PTPRO: variants seen among roughly 807,000 people sequenced by gnomAD.
PTPRO encodes receptor-type tyrosine-protein phosphatase O.
Under a neutral mutation model 145.2 loss-of-function variants are expected in PTPRO, and 62 were observed. The ratio of observed to expected loss-of-function variants is 0.43; its 90% CI spans 0.35 to 0.53. PTPRO has a LOEUF of 0.53. PTPRO is among the 20% of genes least tolerant of loss of function. The probability of loss-of-function intolerance (pLI) is 0.01; values close to 1 mark genes in which losing one functional copy is unlikely to be tolerated. For synonymous variants in PTPRO, 565 were observed against 514.7 expected (o/e 1.10, Z -1.32); for missense variants, 1,345 against 1,482.7 (o/e 0.91, Z 1.53).
chr12:15,580,206 A>G, intron 21 of PTPRO, 91 bp downstream of exon 21: 1 of 1,022,012 alleles, frequency 9.8e-7, no homozygotes, highest in East Asian at 2.4e-5. Context: ...AGTTCAAAAG[A>G]GAGCCTTTCC....
intron 2 of PTPRO, among the ~76,000 whole-genome samples, chr12:15,491,073 G>A (rs929463699): frequency 2.6e-5 from 4 of 152,108 alleles, no homozygotes; most frequent in Non-Finnish European, 4.4e-5. Context: ...GACCTACCTC[G>A]CTGGCCTGCT....
chr12:15,371,848 C>T (rs570682758), intron 1 of PTPRO, among the ~76,000 whole-genome samples: 65 of 152,110 alleles, frequency 4.3e-4, no homozygotes, highest in African/African-American at 1.6e-3. Flanking sequence ...AGGGGCTCTT[C>T]CCCCTTCACT....
chr12:15,350,752 T>G (rs535086017), intron 1 of PTPRO, among the ~76,000 whole-genome samples: 8 of 152,320 alleles, frequency 5.3e-5, no homozygotes, highest in African/African-American at 1.9e-4. Context: ...GAAGAGATTT[T>G]CACCATTGCA....
At chr12:15,508,529 G>T (rs772406152) in intron 6 of PTPRO, 42 bp from the exon 7 acceptor site, 12 of 1,566,838 alleles carry the variant, frequency 7.7e-6, no homozygotes, top group Non-Finnish European at 9.7e-6. Flanking sequence ...CTCAATCAGT[G>T]TAACGTGCAG....
chr12:15,576,929 G>A (rs1470609626), intron 19 of PTPRO, among the ~76,000 whole-genome samples: 1 of 152,120 alleles, frequency 6.6e-6, no homozygotes, highest in African/African-American at 2.4e-5. Flanking sequence ...AGCAATGGAA[G>A]CATCATTTAA....
intron 1 of PTPRO, among the ~76,000 whole-genome samples, chr12:15,459,215 T>C (rs1941247639): frequency 6.6e-6 from 1 of 152,032 alleles, no homozygotes; most frequent in Admixed American, 6.6e-5. Context: ...AGATCTGTCG[T>C]TTTTCTCCCA....
intron 12 of PTPRO, among the ~76,000 whole-genome samples, chr12:15,529,905 C>T (rs187823250): frequency 4.6e-5 from 7 of 152,220 alleles, no homozygotes; most frequent in Non-Finnish European, 1.5e-5. Context: ...GGTCTCAATT[C>T]TCAATTAAAA....
intron 12 of PTPRO, among the ~76,000 whole-genome samples, chr12:15,534,202 G>A (rs547442318): frequency 2.9e-4 from 44 of 152,096 alleles, no homozygotes; most frequent in African/African-American, 1.0e-3. Flanking sequence ...CTATCTTCTA[G>A]TCTTGGTGAA....
chr12:15,346,844 A>T (rs961404054), intron 1 of PTPRO, among the ~76,000 whole-genome samples: 6 of 152,158 alleles, frequency 3.9e-5, no homozygotes, highest in Non-Finnish European at 8.8e-5. Context: ...TAATGCCCAC[A>T]CTTCTTCAGG....
intron 1 of PTPRO, chr12:15,346,406 T>C (rs1001724322): frequency 1.1e-4 from 17 of 152,228 alleles, no homozygotes; most frequent in Admixed American, 3.3e-4. Flanking sequence ...ACAGTATACC[T>C]GCATCATCTT....
rs563434607 is a variant in PTPRO at position 15,413,519 on chromosome 12, T to C, written c.76-70455T>C. On this transcript the variant is annotated intron_variant, in intron 1 of 26. Transcript: ENST00000281171. ...AAGATCAAAAAAAGATTTTAAGATATTTTAAAAGATGGAGGCCAGGCACGG... is the reference window on the plus strand; with the variant it reads ...AAGATCAAAAAAAGATTTTAAGATACTTTAAAAGATGGAGGCCAGGCACGG... Among the ~76,000 whole-genome samples the C allele has an allele frequency of 2.1e-4, 32 of 152,286 alleles. No homozygotes were observed. The East Asian group carries it at 6.0e-3, about 28-fold the overall frequency.
chr12:15,516,397 GAGAA>G (rs1460353928), intron 8 of PTPRO, among the ~76,000 whole-genome samples: 21 of 147,868 alleles, frequency 1.4e-4, no homozygotes, highest in Admixed American at 3.4e-4. Context: ...GAGAGAGAGA[GAGAA>G]AGAAAGAAAG....
intron 1 of PTPRO, among the ~76,000 whole-genome samples, chr12:15,413,015 C>T (rs1591789200): frequency 6.6e-6 from 1 of 151,794 alleles, no homozygotes; most frequent in South Asian, 2.1e-4. Flanking sequence ...CTGGTCTCGA[C>T]CTCCTGACCT....
intron 1 of PTPRO, among the ~76,000 whole-genome samples, chr12:15,420,691 G>A (rs1940120199): frequency 6.6e-6 from 1 of 152,198 alleles, no homozygotes; most frequent in Non-Finnish European, 1.5e-5. Context: ...ACACTGGAGA[G>A]ACAATATAAC....
intron 12 of PTPRO, among the ~76,000 whole-genome samples, chr12:15,544,629 TG>T (rs2135545680): frequency 6.6e-6 from 1 of 152,114 alleles, no homozygotes; most frequent in Non-Finnish European, 1.5e-5. Flanking sequence ...TTCTGTAGTG[TG>T]CATTTTTAAA....
chr12:15,339,566 T>C (rs1305133246), intron 1 of PTPRO, among the ~76,000 whole-genome samples: 1 of 152,176 alleles, frequency 6.6e-6, no homozygotes, highest in Non-Finnish European at 1.5e-5. Flanking sequence ...CTTAATTAGA[T>C]AAAATAATCC....
chr12:15,565,002 T>G (rs935193286), intron 17 of PTPRO, among the ~76,000 whole-genome samples: 2 of 152,142 alleles, frequency 1.3e-5, no homozygotes, highest in African/African-American at 4.8e-5. Flanking sequence ...AGACTAGTAA[T>G]GATGAAGAGC....
At chr12:15,561,300 T>G (rs1168940735) in intron 17 of PTPRO, among the ~76,000 whole-genome samples, 1 of 152,102 alleles carries the variant, frequency 6.6e-6, no homozygotes, top group Non-Finnish European at 1.5e-5. Flanking sequence ...GAGCATTTAT[T>G]TATTCAAAAA....
intron 1 of PTPRO, among the ~76,000 whole-genome samples, chr12:15,359,723 A>T (rs1383209276): frequency 6.6e-6 from 1 of 152,142 alleles, no homozygotes; most frequent in Non-Finnish European, 1.5e-5. Flanking sequence ...CCACCGCACC[A>T]GGCCATTGGA....
Sources: allele counts gnomAD v4.1 joint callset (sites outside exome capture counted in the v4.1 genomes callset), GRCh38; gene constraint gnomAD v4.1.1; transcripts MANE v1.5; gene names NCBI Gene and HGNC (gene_info 2026-07-23, HGNC 2026-07-21).